The following SRBD1 variants were observed in gnomAD, a reference collection of about 807,000 sequenced individuals.
SRBD1 encodes the protein S1 RNA-binding domain-containing protein 1.
A neutral mutation model predicts 115.3 loss-of-function variants in SRBD1; 88 were observed. That is an observed-to-expected ratio of 0.76 (90% confidence interval 0.64 to 0.91). SRBD1 has a LOEUF of 0.91. Among genes scored for constraint, SRBD1 ranks in the 40% least tolerant of loss-of-function variants. The pLI, the probability that SRBD1 is intolerant of heterozygous loss-of-function variation, is 0.00. For missense variants in SRBD1, 1,385 were observed against 1,177.4 expected (o/e 1.18, Z -2.58); for synonymous variants, 509 against 407.7 (o/e 1.25, Z -2.99).
chr2:45,428,585 C>CATAA (rs1207189656), intron 16 of SRBD1, among the ~76,000 whole-genome samples: 33 of 148,862 alleles, frequency 2.2e-4, no homozygotes, highest in African/African-American at 2.0e-4. Context: ...TAAATAAATA[C>CATAA]ATAAATAAAT....
At chr2:45,551,082 C>G (rs1411718545) in intron 12 of SRBD1, 43 bp downstream of exon 12, 2 of 1,556,486 alleles carry the variant, frequency 1.3e-6, no homozygotes, top group African/African-American at 1.4e-5. Context: ...AAACTTATAA[C>G]CAACCAAACA....
intron 10 of SRBD1, 87 bp downstream of exon 10, chr2:45,562,566 A>C (rs921384169): frequency 9.7e-7 from 1 of 1,031,786 alleles, no homozygotes. Context: ...CACGTAATAG[A>C]CATCTTTACA....
At chr2:45,560,826 C>G (rs1174275239) in intron 10 of SRBD1, among the ~76,000 whole-genome samples, 3 of 151,992 alleles carry the variant, frequency 2.0e-5, no homozygotes, top group Non-Finnish European at 4.4e-5. Flanking sequence ...TGACAACTAG[C>G]CAGGCATGGT....
chr2:45,520,684 G>C (rs554357592), intron 14 of SRBD1, among the ~76,000 whole-genome samples: 1 of 150,438 alleles, frequency 6.6e-6, no homozygotes, highest in Non-Finnish European at 1.5e-5. Flanking sequence ...CAGAGAAAGA[G>C]GAGAGAAGGA....
chr2:45,418,537 T>A lies in SRBD1; in HGVS notation c.2161A>T (p.Ile721Phe). 1 of 1,598,066 alleles carries A rather than the reference T, an allele frequency of 6.3e-7. No individual in the cohort carries two copies. Among genetic ancestry groups the A allele is most frequent in the Non-Finnish European group, 8.5e-7 (1 of 1,175,368 alleles). The change falls in exon 18 of 21, where the codon ATT (isoleucine) becomes TTT (phenylalanine). Residue 721 changes from isoleucine to phenylalanine, a missense_variant. Ile to Phe is a conservative substitution (Grantham distance 21). Coordinates refer to ENST00000263736, the MANE Select transcript of SRBD1 (RefSeq NM_018079.5). ...GCCCTGTTGGCATTGAGTCCTGCAA[T>A]ATGCCTAGAAAAAAAAAATAAGCAA... ...NICSEVLLRH[I>F]AGLNANRAKN...
intron 9 of SRBD1, among the ~76,000 whole-genome samples, chr2:45,572,584 G>T (rs1313311301): frequency 1.3e-5 from 2 of 151,960 alleles, no homozygotes; most frequent in Non-Finnish European, 2.9e-5. Context: ...TGGAATGAAA[G>T]GGCACTAGAT....
At chr2:45,507,343 T>C (rs1157436899) in intron 14 of SRBD1, among the ~76,000 whole-genome samples, 1 of 152,090 alleles carries the variant, frequency 6.6e-6, no homozygotes, top group Non-Finnish European at 1.5e-5. Context: ...CTAATGACTC[T>C]CATTTCAACC....
chr2:45,482,814 T>C (rs1055104213), intron 15 of SRBD1, among the ~76,000 whole-genome samples: 2 of 152,108 alleles, frequency 1.3e-5, no homozygotes, highest in Admixed American at 6.6e-5. Context: ...GCTCAAGTCC[T>C]TTATATAAAA....
At chr2:45,563,517 T>C (rs1572781362) in intron 9 of SRBD1, among the ~76,000 whole-genome samples, 1 of 151,334 alleles carries the variant, frequency 6.6e-6, no homozygotes, top group East Asian at 1.9e-4. Flanking sequence ...AAACCATAAG[T>C]TGGTTCTTTG....
intron 7 of SRBD1, among the ~76,000 whole-genome samples, chr2:45,576,031 A>G (rs1673166542): frequency 6.6e-6 from 1 of 152,062 alleles, no homozygotes. Context: ...AATTACAATA[A>G]AAGTTGGAAC....
chr2:45,519,795 T>C (rs762893322), intron 14 of SRBD1, among the ~76,000 whole-genome samples: 4 of 152,210 alleles, frequency 2.6e-5, no homozygotes, highest in Admixed American at 6.5e-5. Context: ...TGCTATACAG[T>C]AATGGAGCCT....
At chr2:45,459,620 A>C (rs1276968361) in intron 16 of SRBD1, among the ~76,000 whole-genome samples, 3 of 152,196 alleles carry the variant, frequency 2.0e-5, no homozygotes, top group East Asian at 1.9e-4. Context: ...AAGTGAATGA[A>C]ATTTTTTTGA....
chr2:45,591,627 T>G (rs1673727832), intron 4 of SRBD1, among the ~76,000 whole-genome samples: 1 of 152,140 alleles, frequency 6.6e-6, no homozygotes, highest in Non-Finnish European at 1.5e-5. Flanking sequence ...TCTATAGAGT[T>G]TGAACTTGAT....
intron 15 of SRBD1, among the ~76,000 whole-genome samples, chr2:45,482,396 A>G (rs1265137684): frequency 3.3e-5 from 5 of 152,120 alleles, no homozygotes; most frequent in Non-Finnish European, 5.9e-5. Flanking sequence ...TAGTTTCAAG[A>G]CACACAAACA....
intron 8 of SRBD1, among the ~76,000 whole-genome samples, chr2:45,574,325 C>G (rs1455367246): frequency 1.3e-5 from 2 of 152,188 alleles, no homozygotes; most frequent in Non-Finnish European, 2.9e-5. Context: ...ACATGAATCT[C>G]TCTTCGTATA....
intron 16 of SRBD1, among the ~76,000 whole-genome samples, chr2:45,456,038 A>T (rs977778141): frequency 2.0e-5 from 3 of 151,890 alleles, no homozygotes; most frequent in African/African-American, 7.2e-5. Flanking sequence ...GAAAAAAAAA[A>T]TCACCTTACT....
intron 7 of SRBD1, 40 bp from the exon 8 acceptor site, chr2:45,574,763 T>C (rs1471146869): frequency 6.6e-7 from 1 of 1,518,862 alleles, no homozygotes; most frequent in African/African-American, 1.4e-5. Flanking sequence ...AAACAAAAAG[T>C]ATACGATTGG....
rs529388469 is a variant in SRBD1, at chr2:45,593,545, G to C, written c.648+5904C>G. ...TGTCCTGAGATTTACTCCTCCAAAA[G>C]GAAATTGCTATTTCCTCAGTTAAAA... On this transcript the variant is annotated intron_variant, in intron 4 of 20. Transcript: ENST00000263736. 5.3e-5 allele frequency among the ~76,000 whole-genome samples: 8 copies of C among 152,176 alleles called. No individual in the cohort carries two copies. The East Asian group carries it at 1.5e-3, about 29-fold the overall frequency.
Position 45,463,785 on chromosome 2 carries a change from A to C in SRBD1, c.2049+13208T>G, listed in dbSNP as rs574211648. On this transcript the variant is annotated intron_variant, in intron 16 of 20. Coordinates refer to ENST00000263736, the MANE Select transcript of SRBD1 (RefSeq NM_018079.5). ...GGAGTAATCTTATTCTACTATTTTT[A>C]GTCTACAAACTATGCATCCACACAC... Among the ~76,000 whole-genome samples the C allele has an allele frequency of 1.8e-4, 28 of 152,306 alleles. No homozygotes were observed. The East Asian group carries it at 4.2e-3, about 23-fold the overall frequency.
Sources: allele counts gnomAD v4.1 joint callset (sites outside exome capture counted in the v4.1 genomes callset), GRCh38; gene constraint gnomAD v4.1.1; transcripts MANE v1.5; gene names NCBI Gene and HGNC (gene_info 2026-07-23, HGNC 2026-07-21).